The following KCNJ5 variants were observed in gnomAD, a reference collection of about 807,000 sequenced individuals.
KCNJ5 encodes the protein G protein-activated inward rectifier potassium channel 4.
KCNJ5 carries 12 observed loss-of-function variants against 20.2 expected under a neutral mutation model. That is an observed-to-expected ratio of 0.59 (90% confidence interval 0.38 to 0.96). KCNJ5 has a LOEUF of 0.96. Among genes scored for constraint, KCNJ5 ranks in the 40% least tolerant of loss-of-function variants. The pLI is 0.00. For missense variants in KCNJ5, 449 were observed against 557.6 expected (o/e 0.81, Z 1.96); for synonymous variants, 210 against 213.9 (o/e 0.98, Z 0.16).
intron 1 of KCNJ5, chr11:128,906,184 A>G (rs1944412196): frequency 6.6e-6 from 1 of 152,164 alleles, no homozygotes; most frequent in African/African-American, 2.4e-5. Context: ...CTTTTTGGTG[A>G]GTACTGTTAT....
At chr11:128,898,676 C>CTATT (rs1452643474) in intron 1 of KCNJ5, among the ~76,000 whole-genome samples, 4 of 151,926 alleles carry the variant, frequency 2.6e-5, no homozygotes, top group African/African-American at 9.7e-5. Context: ...TCTGATTTTT[C>CTATT]TATTTCTTTC....
rs35966521 is a variant in KCNJ5 at position 128,897,093 on chromosome 11, C to CTTTT, written c.-11+5391_-11+5394dup. ...CCCTGATTACTAATACCGTTTACCA[C>CTTTT]TTTTTTTTTTTTTTTTTTTTTTGAG... is the stretch of plus-strand genomic sequence containing the variant. On this transcript the variant is annotated intron_variant, in intron 1 of 2. Transcript: ENST00000529694. 2.1e-3 allele frequency among the ~76,000 whole-genome samples: 208 copies of CTTTT among 100,086 alleles called. 5 individuals are homozygous for CTTTT. The highest frequency in any genetic ancestry group is 6.4e-3 in the African/African-American group (154 of 24,178). The allele number at this position is 100,086 out of a possible 152,430, so 65.7% of individuals were successfully genotyped here.
chr11:128,904,499 G>A, intron 1 of KCNJ5: 1 of 1,571,278 alleles, frequency 6.4e-7, no homozygotes, highest in Non-Finnish European at 8.8e-7. Context: ...CCAGCTGATG[G>A]CAGCGTGCGT....
chr11:128,892,604 A>G (rs1944112230), intron 1 of KCNJ5, among the ~76,000 whole-genome samples: 1 of 152,216 alleles, frequency 6.6e-6, no homozygotes, highest in Admixed American at 6.5e-5. Flanking sequence ...ATAAGCTGAG[A>G]TTATCATCCT....
chr11:128,893,239 T>C (rs1245995158), intron 1 of KCNJ5, among the ~76,000 whole-genome samples: 6 of 152,196 alleles, frequency 3.9e-5, no homozygotes, highest in African/African-American at 1.4e-4. Flanking sequence ...CCATTCTGCC[T>C]AGAGGCATAA....
In KCNJ5 at chr11:128,912,164, A is replaced by G. The variant is rs1565552465; in HGVS notation, c.891A>G (p.Glu297=). 1 of 1,609,122 alleles carries G rather than the reference A, an allele frequency of 6.2e-7. No homozygotes were observed. Among genetic ancestry groups the G allele is most frequent in the South Asian group, 1.1e-5 (1 of 91,072 alleles). Reference sequence around the variant, plus strand: ...TGTCTCAGGCTCAGCTGCATCAGGAAGAGTTTGAAGTTGTGGTCATTCTAG... The same window carrying G: ...TGTCTCAGGCTCAGCTGCATCAGGAGGAGTTTGAAGTTGTGGTCATTCTAG... ...WEMSQAQLHQ[E]EFEVVVILEG... is the part of the protein sequence containing the mutation. Residue 297 remains glutamate, a synonymous_variant, in exon 2 of 3, where the codon GAA becomes GAG. Coordinates refer to ENST00000529694, the MANE Select transcript of KCNJ5 (RefSeq NM_000890.5).
chr11:128,914,375 G>A (rs1341111975), intron 2 of KCNJ5, among the ~76,000 whole-genome samples: 2 of 152,126 alleles, frequency 1.3e-5, no homozygotes, highest in African/African-American at 4.8e-5. Flanking sequence ...CTCCCTCAAA[G>A]TCAGGGGCCC....
intron 2 of KCNJ5, among the ~76,000 whole-genome samples, chr11:128,915,901 G>A (rs936143705): frequency 6.7e-6 from 1 of 148,578 alleles, no homozygotes; most frequent in South Asian, 2.1e-4. Flanking sequence ...TAGGATAGAT[G>A]GATAGATAAT....
intron 1 of KCNJ5, chr11:128,903,440 G>A (rs771180439): frequency 1.2e-6 from 2 of 1,614,194 alleles, no homozygotes; most frequent in South Asian, 2.2e-5. Flanking sequence ...ACTATGGCAT[G>A]CACATCCTGC....
In KCNJ5 at chr11:128,918,101, C is replaced by T. The variant is rs949470062; in HGVS notation, c.*1370C>T. On this transcript the variant is annotated 3_prime_UTR_variant, in exon 3 of 3. Coordinates refer to ENST00000529694, the MANE Select transcript of KCNJ5 (RefSeq NM_000890.5). The stretch of plus-strand genomic sequence containing the variant: ...ATCTGCCCCAGTTGTGGCCAAGACA[C>T]TCTGACCTCAGGGCTCAGCACCTTC... The T allele has an allele frequency of 6.6e-6, 1 of 152,494 alleles. No individual in the cohort carries two copies. The highest frequency in any genetic ancestry group is 2.4e-5 in the African/African-American group (1 of 41,404). The allele number at this position is 152,494 out of a possible 1,614,324, so 9.4% of individuals were successfully genotyped here. A position where few individuals can be genotyped will look rare whatever the true frequency, so the allele number is the denominator to read the frequency against.
chr11:128,913,868 C>T (rs2136001112), intron 2 of KCNJ5, among the ~76,000 whole-genome samples: 1 of 152,354 alleles, frequency 6.6e-6, no homozygotes, highest in South Asian at 2.1e-4. Context: ...GCCAAGCACA[C>T]ATTCCAGCCC....
At position 128,919,466 on chromosome 11, in the gene KCNJ5, C is replaced by T. The variant is rs1944637680; in HGVS notation, c.*2735C>T. The T allele has an allele frequency of 6.6e-6, 1 of 152,270 alleles. No individual in the cohort carries two copies. Among genetic ancestry groups the T allele is most frequent in the South Asian group, 2.1e-4 (1 of 4,834 alleles). The allele number at this position is 152,270 out of a possible 1,614,324, so 9.4% of individuals were successfully genotyped here. On this transcript the variant is annotated 3_prime_UTR_variant, in exon 3 of 3. Transcript: ENST00000529694. ...GTGCAACACCGCCCCAGTGTGCCTC[C>T]TCTGCCTTCTATCATGCCAGTTTAA...
intron 1 of KCNJ5, among the ~76,000 whole-genome samples, chr11:128,908,756 T>C (rs986038592): frequency 2.6e-5 from 4 of 152,160 alleles, no homozygotes; most frequent in Admixed American, 2.6e-4. Context: ...CTTGTGGCAC[T>C]GTGCCTGCCC....
At chr11:128,898,049 A>G (rs1944204232) in intron 1 of KCNJ5, among the ~76,000 whole-genome samples, 1 of 152,238 alleles carries the variant, frequency 6.6e-6, no homozygotes, top group African/African-American at 2.4e-5. Context: ...GAGTTTCCTC[A>G]TAACTGCAGT....
chr11:128,899,582 T>G (rs988237747), intron 1 of KCNJ5: 2 of 152,242 alleles, frequency 1.3e-5, no homozygotes, highest in East Asian at 3.8e-4. Flanking sequence ...TCATTTTGAT[T>G]TAATTATTAA....
At chr11:128,903,497 C>T (rs749983858) in intron 1 of KCNJ5, 3 of 1,614,170 alleles carry the variant, frequency 1.9e-6, no homozygotes, top group Non-Finnish European at 2.5e-6. Context: ...TCACTCCTGA[C>T]AGAGGCAGAC....
chr11:128,912,974 A>G (rs1443705456), intron 2 of KCNJ5, among the ~76,000 whole-genome samples: 1 of 152,178 alleles, frequency 6.6e-6, no homozygotes, highest in Non-Finnish European at 1.5e-5. Context: ...CCTTCTTGGA[A>G]CAAGTGTTCT....
At chr11:128,902,703 T>C (rs1229131327) in intron 1 of KCNJ5, 2 of 1,608,726 alleles carry the variant, frequency 1.2e-6, no homozygotes, top group Non-Finnish European at 1.7e-6. Flanking sequence ...CAGGTAATGT[T>C]TGTGGCAGAC....
At chr11:128,903,545 A>G (rs746034960) in intron 1 of KCNJ5, 3 of 1,611,320 alleles carry the variant, frequency 1.9e-6, no homozygotes, top group Non-Finnish European at 2.5e-6. Context: ...AAGGGGTGTT[A>G]AGAATGAAAT....
Sources: gnomAD v4.1 joint callset for allele counts (sites outside exome capture counted in the v4.1 genomes callset) on GRCh38, gnomAD v4.1.1 for gene constraint, MANE v1.5 for transcripts, NCBI Gene and HGNC (gene_info 2026-07-23, HGNC 2026-07-21) for gene names.